Variants in LRRC72 observed in about 807,000 individuals in gnomAD.
The protein encoded by LRRC72 is leucine-rich repeat-containing protein 72.
Under a neutral mutation model 35.8 loss-of-function variants are expected in LRRC72, and 41 were observed. The ratio of observed to expected loss-of-function variants is 1.15; its 90% CI spans 0.89 to 1.49. The LOEUF is 1.49. LRRC72 is among the 40% of genes most tolerant of loss of function. The pLI is 0.00. For synonymous variants in LRRC72, 118 were observed against 119.2 expected, an observed-to-expected ratio of 0.99 and a Z score of 0.07; for missense variants, 389 against 330.7, an observed-to-expected ratio of 1.18 and a Z score of -1.37.
chr7:16,535,208 T>C (rs897359695), intron 2 of LRRC72, among the ~76,000 whole-genome samples: 1 of 152,040 alleles, frequency 6.6e-6, no homozygotes, highest in African/African-American at 2.4e-5. Context: ...AAAAAAGTTG[T>C]TTTGGAAGAG....
At chr7:16,547,728 GC>G (rs1253486321) in intron 3 of LRRC72, among the ~76,000 whole-genome samples, 2 of 152,218 alleles carry the variant, frequency 1.3e-5, no homozygotes, top group Non-Finnish European at 2.9e-5. Context: ...TGCCACCTTG[GC>G]CCCCTCCAGA....
intron 3 of LRRC72, among the ~76,000 whole-genome samples, chr7:16,552,171 CTAATAA>C (rs2128336576): frequency 6.6e-6 from 1 of 152,202 alleles, no homozygotes; most frequent in Admixed American, 6.5e-5. Flanking sequence ...ATTTCATAAG[CTAATAA>C]TAATGAGTTG....
At position 16,566,335 on chromosome 7, in the gene LRRC72, C is replaced by T. The variant is rs1782838148; in HGVS notation, c.450C>T (p.Cys150=). The T allele has an allele frequency of 1.3e-6, 2 of 1,539,170 alleles. No homozygotes were observed. Among genetic ancestry groups the T allele is most frequent in the East Asian group, 2.5e-5 (1 of 40,592 alleles). ...CAGGTCTATACCAAAATCCTTTGTG[C>T]CAATATAACCTGTATCGTTTATATA... ...KILSLYQNPL[C]QYNLYRLYII... is the part of the protein sequence containing the mutation. Residue 150 remains cysteine (C), a synonymous_variant, in exon 6 of 9, where the codon TGC becomes TGT. Coordinates refer to ENST00000401542, the MANE Select transcript of LRRC72 (RefSeq NM_001195280.2).
At chr7:16,528,718 C>A (rs1375413383) in intron 1 of LRRC72, among the ~76,000 whole-genome samples, 1 of 152,142 alleles carries the variant, frequency 6.6e-6, no homozygotes, top group Admixed American at 6.5e-5. Context: ...CTGCTAGAGT[C>A]ATCTTCCTGA....
At chr7:16,578,280 C>A (rs548074249) in intron 7 of LRRC72, among the ~76,000 whole-genome samples, 22 of 152,280 alleles carry the variant, frequency 1.4e-4, no homozygotes, top group African/African-American at 5.1e-4. Flanking sequence ...TGAGACCAGC[C>A]TGGCTAACAT....
intron 7 of LRRC72, among the ~76,000 whole-genome samples, chr7:16,567,969 A>G (rs1782879294): frequency 6.6e-6 from 1 of 152,204 alleles, no homozygotes; most frequent in South Asian, 2.1e-4. Flanking sequence ...ATGCAGAAAT[A>G]AGCACTGGTA....
At chr7:16,579,295 A>C (rs1433598460) in intron 7 of LRRC72, among the ~76,000 whole-genome samples, 1 of 152,192 alleles carries the variant, frequency 6.6e-6, no homozygotes, top group African/African-American at 2.4e-5. Context: ...AAAAAGAAAG[A>C]GCCTAGGATG....
chr7:16,561,281 CT>C (rs1263885641), intron 5 of LRRC72, among the ~76,000 whole-genome samples: 4 of 152,110 alleles, frequency 2.6e-5, no homozygotes, highest in African/African-American at 9.7e-5. Context: ...ATTTAATTTG[CT>C]ACTTTAAAAA....
chr7:16,566,760 AG>A (rs1489553364), intron 6 of LRRC72, among the ~76,000 whole-genome samples: 1 of 152,138 alleles, frequency 6.6e-6, no homozygotes, highest in Admixed American at 6.5e-5. Flanking sequence ...AAATCTCATA[AG>A]GCCAGTTTAA....
intron 3 of LRRC72, among the ~76,000 whole-genome samples, chr7:16,539,686 C>G (rs1319119853): frequency 6.6e-6 from 1 of 152,074 alleles, no homozygotes; most frequent in Non-Finnish European, 1.5e-5. Flanking sequence ...AGCCTCAGGA[C>G]TTGATGCCCT....
chr7:16,527,960 T>C (rs1782100768), intron 1 of LRRC72, among the ~76,000 whole-genome samples: 1 of 152,172 alleles, frequency 6.6e-6, no homozygotes, highest in Admixed American at 6.5e-5. Context: ...CTCCCCATGC[T>C]AGAACTGTTC....
intron 5 of LRRC72, among the ~76,000 whole-genome samples, chr7:16,564,691 C>G (rs933610403): frequency 6.6e-6 from 1 of 152,122 alleles, no homozygotes; most frequent in Non-Finnish European, 1.5e-5. Context: ...CCCTCTAAAG[C>G]TCGCGTTTTC....
chr7:16,542,377 T>G (rs914001765), intron 3 of LRRC72, among the ~76,000 whole-genome samples: 3 of 152,214 alleles, frequency 2.0e-5, no homozygotes, highest in Non-Finnish European at 4.4e-5. Context: ...ACTATATTAT[T>G]TCTGTGAACC....
chr7:16,575,303 C>G (rs1172064125), intron 7 of LRRC72, among the ~76,000 whole-genome samples: 1 of 152,082 alleles, frequency 6.6e-6, no homozygotes, highest in Non-Finnish European at 1.5e-5. Context: ...GGGTATGGTC[C>G]CCAATCCAGC....
At chr7:16,561,490 T>C (rs1782743180) in intron 5 of LRRC72, among the ~76,000 whole-genome samples, 1 of 152,150 alleles carries the variant, frequency 6.6e-6, no homozygotes, top group African/African-American at 2.4e-5. Flanking sequence ...GAGTGTAGAA[T>C]TGTGCCAGGC....
intron 7 of LRRC72, among the ~76,000 whole-genome samples, chr7:16,571,295 C>T (rs1782939556): frequency 6.6e-6 from 1 of 152,180 alleles, no homozygotes; most frequent in Non-Finnish European, 1.5e-5. Context: ...GGGCTCCGGA[C>T]ATGCCTCCTT....
intron 5 of LRRC72, among the ~76,000 whole-genome samples, chr7:16,565,302 A>G (rs981944614): frequency 2.0e-5 from 3 of 152,182 alleles, no homozygotes; most frequent in Middle Eastern, 3.4e-3. Context: ...GCGTGGTGGC[A>G]GGCGCCTGTA....
At position 16,526,887 on chromosome 7, in the gene LRRC72, C is replaced by G; in HGVS notation, c.-66C>G. On this transcript the variant is annotated 5_prime_UTR_variant, in exon 1 of 9. Coordinates refer to ENST00000401542, the MANE Select transcript of LRRC72 (RefSeq NM_001195280.2). ...ACGAGCTGTGCACCAAGCCAAGTCTCTCTTCGGTGCCACCGGCGGGCGAGG... is the reference window on the plus strand; with the variant it reads ...ACGAGCTGTGCACCAAGCCAAGTCTGTCTTCGGTGCCACCGGCGGGCGAGG... 4 of 1,316,388 alleles carry G rather than the reference C, an allele frequency of 3.0e-6. No individual in the cohort carries two copies. The highest frequency in any genetic ancestry group is 4.2e-6 in the Non-Finnish European group (4 of 946,232). The allele number at this position is 1,316,388 out of a possible 1,614,324, so 81.5% of individuals were successfully genotyped here.
rs112802185 is a variant in LRRC72 at position 16,557,515 on chromosome 7, T to C, written c.316+74T>C. ...AACTTTCAACTATGGTAATTGCTAA[T>C]GACAGACAAAAATCTGTTTTAACAT... is the stretch of plus-strand genomic sequence containing the variant. On this transcript the variant is annotated intron_variant, in intron 4 of 8. Transcript: ENST00000401542. 307 of 447,620 alleles carry C rather than the reference T, an allele frequency of 6.9e-4. 1 individual carries two copies. Among genetic ancestry groups the C allele is most frequent in the African/African-American group, 5.3e-3 (259 of 49,034 alleles). 27.7% of individuals were successfully genotyped at this position (447,620 alleles called of 1,614,324 possible). A position where few individuals can be genotyped will look rare whatever the true frequency, so the allele number is the denominator to read the frequency against.
Sources: allele counts gnomAD v4.1 joint callset (sites outside exome capture counted in the v4.1 genomes callset), GRCh38; gene constraint gnomAD v4.1.1; transcripts MANE v1.5; gene names NCBI Gene and HGNC (gene_info 2026-07-23, HGNC 2026-07-21).